The following HPGD variants were observed in gnomAD, a reference collection of about 807,000 sequenced individuals.
HPGD encodes the protein 15-hydroxyprostaglandin dehydrogenase.
A neutral mutation model predicts 30.0 loss-of-function variants in HPGD; 29 were observed. The ratio of observed to expected loss-of-function variants is 0.97; its 90% CI spans 0.72 to 1.32. The LOEUF (loss-of-function observed/expected upper bound fraction) is 1.32. Ranked by LOEUF, HPGD falls within the 40% of genes most tolerant of loss-of-function variation. The pLI is 0.00. For missense variants in HPGD, 340 were observed against 322.1 expected (o/e 1.06, Z -0.43); for synonymous variants, 99 against 112.4 (o/e 0.88, Z 0.75).
intron 3 of HPGD, among the ~76,000 whole-genome samples, chr4:174,514,071 A>C (rs1480237460): frequency 1.3e-5 from 2 of 152,132 alleles, no homozygotes; most frequent in Non-Finnish European, 2.9e-5. Context: ...CATTATAAGA[A>C]AAGAAAATTA....
chr4:174,511,836 C>A (rs1049684427), intron 3 of HPGD, among the ~76,000 whole-genome samples: 2 of 152,012 alleles, frequency 1.3e-5, no homozygotes, highest in African/African-American at 4.8e-5. Flanking sequence ...TTAGTAGAGA[C>A]GGGGTTTCAT....
intron 4 of HPGD, chr4:174,507,726 C>T (rs1735258194): frequency 5.9e-6 from 1 of 169,276 alleles, no homozygotes; most frequent in African/African-American, 2.4e-5. Context: ...TGATTTTTTC[C>T]TAGAGTTTTA....
Position 174,508,737 on chromosome 4 carries a change from C to T in HPGD, c.380G>A (p.Gly127Glu). The T allele has an allele frequency of 6.2e-7, 1 of 1,611,140 alleles. No homozygotes were observed. The highest frequency in any genetic ancestry group is 1.1e-5 in the South Asian group (1 of 91,004). Residue 127 changes from glycine to glutamate, a missense_variant, in exon 4 of 7, where the codon GGA (glycine) becomes GAA (glutamate). Transcript: ENST00000296522. ...LGLDYMSKQNGGEGGIIINMS... is the reference protein window; with the variant it reads ...LGLDYMSKQNEGEGGIIINMS... Reference sequence around the variant, plus strand: ...ATTGATAATGATGCCGCCTTCACCTCCATTTTGCTTACTCATGTAATCCAA... The same window carrying T: ...ATTGATAATGATGCCGCCTTCACCTTCATTTTGCTTACTCATGTAATCCAA...
At chr4:174,493,676 ATACT>A (rs1560974925) in intron 5 of HPGD, among the ~76,000 whole-genome samples, 1 of 152,216 alleles carries the variant, frequency 6.6e-6, no homozygotes, top group Non-Finnish European at 1.5e-5. Flanking sequence ...ATAACAAATA[ATACT>A]TAATTAAAAA....
Position 174,516,281 on chromosome 4 carries a change from G to A in HPGD, c.324+1690C>T, listed in dbSNP as rs535014016. On this transcript the variant is annotated intron_variant, in intron 3 of 6. Transcript: ENST00000296522. ...GGGGACTGGATAAAGAATACGGGTA[G>A]GTATACAGCATGAAACACCACACAC... 2.7e-5 allele frequency among the ~76,000 whole-genome samples: 4 copies of A among 149,316 alleles called. No individual in the cohort carries two copies. The East Asian group carries it at 6.2e-4, about 23-fold the overall frequency.
chr4:174,511,860 A>T (rs1336429476), intron 3 of HPGD, among the ~76,000 whole-genome samples: 1 of 152,020 alleles, frequency 6.6e-6, no homozygotes, highest in Non-Finnish European at 1.5e-5. Context: ...GTTAGCCAGG[A>T]TGGTCTCAAT....
intron 3 of HPGD, among the ~76,000 whole-genome samples, chr4:174,516,093 G>A (rs1222057178): frequency 1.3e-5 from 2 of 152,218 alleles, no homozygotes; most frequent in Middle Eastern, 3.4e-3. Flanking sequence ...AGCTTTTCTC[G>A]AAGAACTTAA....
chr4:174,510,689 G>A (rs1735441116), intron 3 of HPGD, among the ~76,000 whole-genome samples: 1 of 152,168 alleles, frequency 6.6e-6, no homozygotes, highest in Non-Finnish European at 1.5e-5. Flanking sequence ...TCAAATGAAA[G>A]AGTTCAAAGG....
At position 174,522,110 on chromosome 4, in the gene HPGD, G is replaced by T. The variant is rs45567139; in HGVS notation, c.94-43C>A. The T allele has an allele frequency of 0.053, 86,155 of 1,612,936 alleles. 2,711 individuals carry two copies. The highest frequency in any genetic ancestry group is 0.063 in the Non-Finnish European group (73,732 of 1,179,196). On this transcript the variant is annotated intron_variant, in intron 1 of 6. Transcript: ENST00000296522. ...GGAATCGCGGGCCTGCGCAGCTCAC[G>T]AAATAGACGGACAAACAATAAACAC...
At chr4:174,499,960 G>GACAC (rs10659517) in intron 4 of HPGD, among the ~76,000 whole-genome samples, 25,197 of 150,158 alleles carry the variant, frequency 0.17, 2,554 homozygotes, top group East Asian at 0.48. Flanking sequence ...ATCTTTGTAT[G>GACAC]ACACACACAC....
In HPGD at chr4:174,492,455, A is replaced by G. The variant is rs746569298; in HGVS notation, c.663-361T>C. 3.1e-4 allele frequency among the ~76,000 whole-genome samples: 47 copies of G among 152,052 alleles called. No homozygotes were observed. Among genetic ancestry groups the G allele is most frequent in the Admixed American group, 1.8e-3 (28 of 15,264 alleles). ...TAGATCTTAGACTTACCAGATATAG[A>G]TGTTATTAGTGTAGAAATATGATTG... On this transcript the variant is annotated intron_variant, in intron 6 of 6. Transcript: ENST00000296522. The surrounding 1 kb of genome is among the most constrained non-coding windows in gnomAD (Gnocchi z 4.9).
At position 174,497,568 on chromosome 4, in the gene HPGD, C is replaced by CCTTTTTTTTTTTTTTTT. The variant is rs1560976894; in HGVS notation, c.422-1945_422-1944insAAAAAAAAAAAAAAAAG. On this transcript the variant is annotated intron_variant, in intron 4 of 6. Transcript: ENST00000296522. Reference sequence around the variant, plus strand: ...CACTTTCTTTTCTTTCTTTTTCTTTCTTTTTTTTTTTTTTTTTTTTTTTTT... The same window carrying CCTTTTTTTTTTTTTTTT: ...CACTTTCTTTTCTTTCTTTTTCTTTCCTTTTTTTTTTTTTTTTTTTTTTTTTTTTTTTTTTTTTTTTT... Among the ~76,000 whole-genome samples, 2 of 51,114 alleles carry CCTTTTTTTTTTTTTTTT rather than the reference C, an allele frequency of 3.9e-5. 1 individual carries two copies. The allele number at this position is 51,114 out of a possible 152,430, so 33.5% of individuals were successfully genotyped here. A position where few individuals can be genotyped will look rare whatever the true frequency, so the allele number is the denominator to read the frequency against.
At chr4:174,493,035 GT>G in intron 6 of HPGD, 115 bp downstream of exon 6, 1 of 990,426 alleles carries the variant, frequency 1.0e-6, no homozygotes, top group Non-Finnish European at 1.4e-6. Context: ...CAAACCAAAA[GT>G]TTGAAGCTTG....
rs1363112714 is a variant in HPGD at position 174,496,728 on chromosome 4, T to A, written c.422-1104A>T. On this transcript the variant is annotated intron_variant, in intron 4 of 6. Transcript: ENST00000296522. This position sits in a 1 kb window ranked among gnomAD's most constrained non-coding sequence, Gnocchi z 4.6. ...ACATGCTCATCTCCACCCAGCTAACTATTCCCAGAATGCCACCAATCATTT... is the reference window on the plus strand; with the variant it reads ...ACATGCTCATCTCCACCCAGCTAACAATTCCCAGAATGCCACCAATCATTT... 6.6e-6 allele frequency among the ~76,000 whole-genome samples: 1 copy of A among 152,204 alleles called. No homozygotes were observed. Among genetic ancestry groups the A allele is most frequent in the Non-Finnish European group, 1.5e-5 (1 of 68,044 alleles).
intron 2 of HPGD, among the ~76,000 whole-genome samples, chr4:174,519,946 C>A (rs544807955): frequency 6.6e-6 from 1 of 152,106 alleles, no homozygotes; most frequent in Non-Finnish European, 1.5e-5. Flanking sequence ...GGATTACAAG[C>A]GTGAAGCCAC....
chr4:174,495,375 A>C, intron 5 of HPGD, 173 bp downstream of exon 5: 1 of 626,086 alleles, frequency 1.6e-6, no homozygotes. Flanking sequence ...AAAATGATCT[A>C]TTATTTATTT....
intron 3 of HPGD, among the ~76,000 whole-genome samples, chr4:174,510,843 G>A (rs546187875): frequency 6.6e-6 from 1 of 152,150 alleles, no homozygotes; most frequent in East Asian, 1.9e-4. Context: ...ATTTCACCAT[G>A]TTGGCCAGGC....
chr4:174,492,131 AT>A lies in HPGD; in HGVS notation c.663-38del, dbSNP rs750968961. 9 of 1,582,204 alleles carry A rather than the reference AT, an allele frequency of 5.7e-6. No individual in the cohort carries two copies. Among genetic ancestry groups the A allele is most frequent in the Admixed American group, 3.3e-5 (2 of 59,912 alleles). On this transcript the variant is annotated intron_variant, in intron 6 of 6. Transcript: ENST00000296522. This position sits in a 1 kb window ranked among gnomAD's most constrained non-coding sequence, Gnocchi z 4.9. The stretch of plus-strand genomic sequence containing the variant: ...GAAAACAGTATTTTGAAACGAAAGA[AT>A]GAGGCATATTACCACTTCATTTTAA...
Position 174,490,670 on chromosome 4 carries a change from T to C in HPGD, c.*1286A>G, listed in dbSNP as rs1045552669. ...TCCTTAAAAGTGAAGGCAATTGTTTTCTATAGCAGAATTAAAATAGGGCAA... is the reference window on the plus strand; with the variant it reads ...TCCTTAAAAGTGAAGGCAATTGTTTCCTATAGCAGAATTAAAATAGGGCAA... On this transcript the variant is annotated 3_prime_UTR_variant, in exon 7 of 7. Transcript: ENST00000296522. The surrounding 1 kb of genome is among the most constrained non-coding windows in gnomAD (Gnocchi z 4.4). 3.9e-5 allele frequency: 6 copies of C among 152,338 alleles called. No homozygotes were observed. The highest frequency in any genetic ancestry group is 1.4e-4 in the African/African-American group (6 of 41,460). The allele number at this position is 152,338 out of a possible 1,614,324, so 9.4% of individuals were successfully genotyped here. A position where few individuals can be genotyped will look rare whatever the true frequency, so the allele number is the denominator to read the frequency against.
Sources: gnomAD v4.1 joint callset for allele counts (sites outside exome capture counted in the v4.1 genomes callset) on GRCh38, gnomAD v4.1.1 for gene constraint, Gnocchi (gnomAD v3.1) non-coding constraint, MANE v1.5 for transcripts, NCBI Gene and HGNC (gene_info 2026-07-23, HGNC 2026-07-21) for gene names.